Variants in NEB observed in about 807,000 individuals in gnomAD.
NEB encodes the protein nemaline myopathy type 2.
A neutral mutation model predicts 952.2 loss-of-function variants in NEB; 512 were observed. That is an observed-to-expected ratio of 0.54 (90% CI 0.50 to 0.58). The LOEUF (loss-of-function observed/expected upper bound fraction) is 0.58, where lower values mean the gene tolerates loss of function less well. Among genes scored for constraint, NEB ranks in the 20% least tolerant of loss-of-function variants. The pLI, the probability that NEB is intolerant of heterozygous loss-of-function variation, is 0.00. For missense variants in NEB, 8,428 were observed against 9,231.1 expected (o/e 0.91, Z 3.56); for synonymous variants, 2,900 against 3,149.8 (o/e 0.92, Z 2.66).
chr2:151,565,838 G>C lies in NEB; in HGVS notation c.18157-18C>G, dbSNP rs758745423. ...TAGACATTCTGAGAGCAGGAAGAGA[G>C]ATATAATGGAGGAATAAATGACTGA... On this transcript the variant is annotated intron_variant, in intron 114 of 181. Transcript: ENST00000397345. The C allele has an allele frequency of 1.3e-6, 2 of 1,545,374 alleles. No individual in the cohort carries two copies. The highest frequency in any genetic ancestry group is 2.3e-5 in the South Asian group (2 of 87,142).
Position 151,533,477 on chromosome 2 carries a change from A to G in NEB, c.21382T>C (p.Leu7128=), listed in dbSNP as rs114218081. 33,415 of 1,551,314 alleles carry G rather than the reference A, an allele frequency of 0.022. 436 individuals are homozygous for G. Among genetic ancestry groups the G allele is most frequent in the African/African-American group, 0.044 (3,236 of 73,144 alleles). Residue 7128 remains leucine, a synonymous_variant, in exon 143 of 182, where the codon TTG becomes CTG. Transcript: ENST00000397345. ...GCNEILRPDM[L]TALYNSHMWS... ...ATATGCGAATTGTAGAGAGCAGTCAACATATCTGGACGCAGAATTTCATTA... is the reference window on the plus strand; with the variant it reads ...ATATGCGAATTGTAGAGAGCAGTCAGCATATCTGGACGCAGAATTTCATTA...
In NEB at chr2:151,644,013, C is replaced by T. The variant is rs869312958; in HGVS notation, c.7761G>A (p.Arg2587=). ...ACTTCTCAAAGTCCTTCTTGTACTC[C>T]CTGTCACTCTGGATCTTGGCCACAT... ...SMHVAKIQSD[R]EYKKDFEKWK... The change falls in exon 57 of 182, where the codon AGG becomes AGA. Residue 2587 remains arginine, a synonymous_variant. Coordinates refer to ENST00000397345, the MANE Select transcript of NEB (RefSeq NM_001164508.2). 2.5e-6 allele frequency: 4 copies of T among 1,613,972 alleles called. No homozygotes were observed. The highest frequency in any genetic ancestry group is 3.4e-6 in the Non-Finnish European group (4 of 1,179,874).
Position 151,492,297 on chromosome 2 carries a change from T to G in NEB, c.24874-16A>C. On this transcript the variant is annotated splice_polypyrimidine_tract_variant and intron_variant, in intron 177 of 181. Transcript: ENST00000397345. ...GATATTTCACCTGAAATGTCATGAA[T>G]TTGCTTTATGAAAATATGATGGTGT... 1 of 1,606,242 alleles carries G rather than the reference T, an allele frequency of 6.2e-7. No individual in the cohort carries two copies. Among genetic ancestry groups the G allele is most frequent in the Non-Finnish European group, 8.5e-7 (1 of 1,174,924 alleles).
At chr2:151,512,627 T>G in intron 161 of NEB, 106 bp downstream of exon 161, 1 of 877,864 alleles carries the variant, frequency 1.1e-6, no homozygotes, top group Non-Finnish European at 1.8e-6. Context: ...CTCTTTTTTA[T>G]TGGGAAAAAC....
At chr2:151,732,408 T>G (rs188402822) in intron 3 of NEB, among the ~76,000 whole-genome samples, 100 of 152,304 alleles carry the variant, frequency 6.6e-4, no homozygotes, top group Middle Eastern at 3.4e-3. Context: ...TAAAATGTGT[T>G]AGATGTCCAC....
intron 168 of NEB, among the ~76,000 whole-genome samples, chr2:151,499,847 A>T (rs9287979): frequency 6.6e-6 from 1 of 151,978 alleles, no homozygotes; most frequent in African/African-American, 2.4e-5. Flanking sequence ...GAGATGGTCA[A>T]GTATAGAGGT....
intron 107 of NEB, among the ~76,000 whole-genome samples, chr2:151,575,145 T>G (rs1488001812): frequency 6.6e-6 from 1 of 152,174 alleles, no homozygotes. Flanking sequence ...TTATTGAAGT[T>G]TTGAAATAAT....
Position 151,672,620 on chromosome 2 carries a change from G to C in NEB, c.4048C>G (p.Gln1350Glu). The part of the protein sequence containing the change: ...KGKHVGFRSL[Q>E]DDPKLVHYMN... The stretch of plus-strand genomic sequence containing the variant: ...TAGTGGACCAGCTTGGGATCATCCT[G>C]GAGGCTTCTGAAACCCACATGCTTT... The change falls in exon 37 of 182, where the codon CAG (glutamine) becomes GAG (glutamate). Residue 1350 changes from glutamine to glutamate, a missense_variant. Transcript: ENST00000397345. 6.2e-7 allele frequency: 1 copy of C among 1,613,902 alleles called. No individual in the cohort carries two copies. The highest frequency in any genetic ancestry group is 8.5e-7 in the Non-Finnish European group (1 of 1,179,852).
At chr2:151,509,818 C>T (rs917179653) in intron 161 of NEB, among the ~76,000 whole-genome samples, 8 of 152,258 alleles carry the variant, frequency 5.3e-5, no homozygotes, top group African/African-American at 1.7e-4. Flanking sequence ...CCATGTTGGT[C>T]AGGATGGTCT....
chr2:151,527,492 G>A lies in NEB; in HGVS notation c.21829C>T (p.Gln7277Ter), dbSNP rs887471790. 1 of 1,612,534 alleles carries A rather than the reference G, an allele frequency of 6.2e-7. No homozygotes were observed. The highest frequency in any genetic ancestry group is 8.5e-7 in the Non-Finnish European group (1 of 1,179,116). The change falls in exon 147 of 182, where the codon CAG becomes TAG. Residue 7277 changes from glutamine (Q) to a stop codon, truncating the protein, a stop_gained. Coordinates refer to ENST00000397345, the MANE Select transcript of NEB (RefSeq NM_001164508.2). LOFTEE classifies it high-confidence loss of function. The stretch of plus-strand genomic sequence containing the variant: ...CTCTCCTGTCTTACATCGCTTTGCT[G>A]CAGGGATGACTTGGCAGCCTGGAGG... Reference protein sequence around the residue: ...DFLQAAKSSLQQSDFEYKLDR... With the variant: ...DFLQAAKSSL
intron 17 of NEB, among the ~76,000 whole-genome samples, chr2:151,696,249 T>C (rs1410960295): frequency 1.3e-5 from 2 of 152,228 alleles, no homozygotes; most frequent in African/African-American, 2.4e-5. Flanking sequence ...GGCCAGGGTA[T>C]GTGCAGTGCA....
intron 142 of NEB, among the ~76,000 whole-genome samples, chr2:151,533,805 T>C (rs1420336582): frequency 2.0e-5 from 3 of 152,258 alleles, no homozygotes; most frequent in Admixed American, 6.5e-5. Flanking sequence ...AATAGCTTTA[T>C]AGAAAAGAAG....
At chr2:151,623,044 G>A (rs1223483566) in intron 71 of NEB, among the ~76,000 whole-genome samples, 1 of 152,152 alleles carries the variant, frequency 6.6e-6, no homozygotes, top group Middle Eastern at 3.2e-3. Context: ...TTGAAGCTAT[G>A]TTAACTGATT....
intron 161 of NEB, among the ~76,000 whole-genome samples, chr2:151,510,515 T>A (rs1344250893): frequency 1.3e-5 from 2 of 152,268 alleles, no homozygotes; most frequent in African/African-American, 2.4e-5. Flanking sequence ...GGTTTCACTT[T>A]CCACGGTTTC....
chr2:151,565,179 T>C, intron 116 of NEB, 31 bp from the exon 117 acceptor site: 1 of 1,068,102 alleles, frequency 9.4e-7, no homozygotes, highest in Non-Finnish European at 1.4e-6. Context: ...CTTTTATTAC[T>C]ATAAATGAAT....
chr2:151,549,494 C>T, intron 130 of NEB, 142 bp downstream of exon 130: 1 of 657,030 alleles, frequency 1.5e-6, no homozygotes, highest in Non-Finnish European at 2.8e-6. Context: ...CAAAAATATG[C>T]TGTCTCTCCT....
intron 117 of NEB, 73 bp downstream of exon 117, chr2:151,564,971 T>C: frequency 1.1e-6 from 1 of 904,394 alleles, no homozygotes. Context: ...GTTGACAAAA[T>C]CAGCCAAGAA....
rs764703590 is a variant in NEB at position 151,717,396 on chromosome 2, T to C, written c.822+20A>G. The C allele has an allele frequency of 1.3e-6, 2 of 1,541,490 alleles. No individual in the cohort carries two copies. The highest frequency in any genetic ancestry group is 1.1e-5 in the South Asian group (1 of 89,334). On this transcript the variant is annotated intron_variant, in intron 10 of 181. Coordinates refer to ENST00000397345, the MANE Select transcript of NEB (RefSeq NM_001164508.2). ...AGCAGAGTCTTCAAGGGAGGCAATG[T>C]CCCAGCTCTATTTACTTACCTTGCT...
chr2:151,627,773 T>A lies in NEB; in HGVS notation c.9893A>T (p.Glu3298Val), dbSNP rs1369026411. The A allele has an allele frequency of 6.2e-7, 1 of 1,613,882 alleles. No homozygotes were observed. Among genetic ancestry groups the A allele is most frequent in the African/African-American group, 1.3e-5 (1 of 74,924 alleles). ...LGHHIGARNI[E>V]DDPKMMWSMH... ...GGACCACATCATCTTGGGGTCATCT[T>A]CAATGTTCCGGGCTCCAATGTGGTG... Residue 3298 changes from glutamate to valine, a missense_variant, in exon 69 of 182, where the codon GAA becomes GTA. Physicochemically the swap from Glu to Val is moderately radical, Grantham distance 121. Transcript: ENST00000397345.
Sources: gnomAD v4.1 joint callset for allele counts (sites outside exome capture counted in the v4.1 genomes callset) on GRCh38, gnomAD v4.1.1 for gene constraint, MANE v1.5 for transcripts, NCBI Gene and HGNC (gene_info 2026-07-23, HGNC 2026-07-21) for gene names.